The following LRP6 variants were observed in gnomAD, a reference collection of about 807,000 sequenced individuals.
LRP6 encodes the protein low-density lipoprotein receptor-related protein 6.
LRP6 carries 43 observed loss-of-function variants against 184.1 expected under a neutral mutation model. The observed-to-expected ratio is 0.23, with a 90% CI of 0.18 to 0.30. LRP6 has a LOEUF of 0.30. Ranked by LOEUF, LRP6 falls within the 10% of genes least tolerant of loss-of-function variation. The pLI is 1.00. For synonymous variants in LRP6, 719 were observed against 684.9 expected, an observed-to-expected ratio of 1.05 and a Z score of -0.78; for missense variants, 1,571 against 2,005.3, an observed-to-expected ratio of 0.78 and a Z score of 4.14.
At chr12:12,222,027 A>G (rs1864502363) in intron 2 of LRP6, among the ~76,000 whole-genome samples, 2 of 152,210 alleles carry the variant, frequency 1.3e-5, no homozygotes, top group Admixed American at 1.3e-4. Flanking sequence ...ATAGGGGAAC[A>G]AAGTAACAAC....
At chr12:12,234,377 A>C (rs938515886) in intron 2 of LRP6, among the ~76,000 whole-genome samples, 1 of 151,902 alleles carries the variant, frequency 6.6e-6, no homozygotes, top group Admixed American at 6.6e-5. Flanking sequence ...TTGGACCCGG[A>C]AGGCGGAGGT....
At chr12:12,159,235 G>GAA (rs71061015) in intron 11 of LRP6, 80 bp from the exon 12 acceptor site, 202 of 899,860 alleles carry the variant, frequency 2.2e-4, no homozygotes, top group Non-Finnish European at 2.8e-4. Flanking sequence ...CTGGCAAAAA[G>GAA]AAAAAAAAAA....
At chr12:12,204,818 T>C (rs1004031018) in intron 2 of LRP6, among the ~76,000 whole-genome samples, 1 of 143,060 alleles carries the variant, frequency 7.0e-6, no homozygotes, top group African/African-American at 2.6e-5. Flanking sequence ...AAAAAAAAAG[T>C]TAGCCAGGAG....
Position 12,162,378 on chromosome 12 carries a change from A to G in LRP6, c.2094T>C (p.His698=), listed in dbSNP as rs1222017029. Residue 698 remains histidine (H), a synonymous_variant, in exon 10 of 23, where the codon CAT becomes CAC. Transcript: ENST00000261349. ...RAFMNGSALE[H]VVEFGLDYPE... The stretch of plus-strand genomic sequence containing the variant: ...GATAATCTAAGCCGAATTCTACCAC[A>G]TGTTCCAGTGCACTGCCATTCATAA... The G allele has an allele frequency of 1.9e-6, 3 of 1,614,158 alleles. No homozygotes were observed. Among genetic ancestry groups the G allele is most frequent in the East Asian group, 2.2e-5 (1 of 44,882 alleles).
intron 5 of LRP6, among the ~76,000 whole-genome samples, chr12:12,183,764 AAT>A (rs1401881255): frequency 1.3e-5 from 2 of 152,216 alleles, no homozygotes; most frequent in East Asian, 1.9e-4. Flanking sequence ...TTTTTTCAAA[AAT>A]ATGTTATTTA....
At chr12:12,264,898 C>T (rs1591999954) in intron 1 of LRP6, among the ~76,000 whole-genome samples, 5 of 152,280 alleles carry the variant, frequency 3.3e-5, no homozygotes, top group Admixed American at 3.3e-4. Context: ...TAAACTATTA[C>T]CTCTTCCAGG....
chr12:12,260,176 A>G (rs1180975484), intron 1 of LRP6, among the ~76,000 whole-genome samples: 1 of 152,134 alleles, frequency 6.6e-6, no homozygotes, highest in East Asian at 1.9e-4. Flanking sequence ...CAGGAGATGG[A>G]GACCAACCTG....
At chr12:12,145,954 G>C (rs1036974493) in intron 15 of LRP6, among the ~76,000 whole-genome samples, 13 of 151,812 alleles carry the variant, frequency 8.6e-5, no homozygotes, top group Middle Eastern at 3.4e-3. Context: ...TTTCTTAACG[G>C]TATATATACA....
In LRP6 at chr12:12,140,792, T is replaced by C. The variant is rs956466306; in HGVS notation, c.3398-2258A>G. On this transcript the variant is annotated intron_variant, in intron 15 of 22. Transcript: ENST00000261349. ...CTAATTTTTGTATTTTTAGTAGATA[T>C]GGGGTTTCACCATGGTGGCCAGGCT... Among the ~76,000 whole-genome samples the C allele has an allele frequency of 3.9e-5, 6 of 152,072 alleles. No homozygotes were observed. The East Asian group carries it at 9.7e-4, about 25-fold the overall frequency.
chr12:12,153,630 T>C (rs913390221), intron 12 of LRP6, among the ~76,000 whole-genome samples: 1 of 152,224 alleles, frequency 6.6e-6, no homozygotes, highest in Non-Finnish European at 1.5e-5. Flanking sequence ...TGACCTATTT[T>C]CAAGTCAGTG....
chr12:12,244,545 C>T lies in LRP6; in HGVS notation c.166G>A (p.Val56Met). 4 of 1,614,234 alleles carry T rather than the reference C, an allele frequency of 2.5e-6. No individual in the cohort carries two copies. Among genetic ancestry groups the T allele is most frequent in the Non-Finnish European group, 3.4e-6 (4 of 1,180,044 alleles). The change falls in exon 2 of 23, where the codon GTG (valine) becomes ATG (methionine). Residue 56 changes from valine (V) to methionine (M), a missense_variant. Val to Met is a conservative substitution (Grantham distance 21). Transcript: ENST00000261349. ...AAGCCATGACTAAACACAAAGTCCA[C>T]CGCAGCTGCATCCTCCAAGCCTCCA... ...VVGGLEDAAA[V>M]DFVFSHGLIY...
intron 15 of LRP6, among the ~76,000 whole-genome samples, chr12:12,142,820 T>A (rs1233892891): frequency 6.6e-6 from 1 of 152,142 alleles, no homozygotes; most frequent in Non-Finnish European, 1.5e-5. Context: ...ATTCCTTAAT[T>A]TGACAAAGGT....
chr12:12,200,923 GC>G (rs1863897382), intron 3 of LRP6, among the ~76,000 whole-genome samples: 1 of 152,038 alleles, frequency 6.6e-6, no homozygotes, highest in Non-Finnish European at 1.5e-5. Flanking sequence ...TTTCTGGGGT[GC>G]TTTTATTTAT....
At chr12:12,263,190 G>A (rs1865664408) in intron 1 of LRP6, among the ~76,000 whole-genome samples, 1 of 151,580 alleles carries the variant, frequency 6.6e-6, no homozygotes, top group South Asian at 2.1e-4. Flanking sequence ...GCTTGAACCC[G>A]GGAGGCGGAG....
At chr12:12,212,038 C>A (rs1408572622) in intron 2 of LRP6, among the ~76,000 whole-genome samples, 3 of 152,206 alleles carry the variant, frequency 2.0e-5, no homozygotes, top group Non-Finnish European at 2.9e-5. Context: ...TGTGCTCCTG[C>A]ACGTTATTCT....
rs1444788582 is a variant in LRP6 at position 12,117,562 on chromosome 12, T to A, written c.*3564A>T. 6.6e-6 allele frequency: 1 copy of A among 152,224 alleles called. No individual in the cohort carries two copies. The highest frequency in any genetic ancestry group is 1.5e-5 in the Non-Finnish European group (1 of 68,026). The allele number at this position is 152,224 out of a possible 1,614,324, so 9.4% of individuals were successfully genotyped here. On this transcript the variant is annotated 3_prime_UTR_variant, in exon 23 of 23. Transcript: ENST00000261349. Reference sequence around the variant, plus strand: ...AATAAAACAATTCAAAATATGACATTTCTAAGAATCTAATCTAGGCAGCTG... The same window carrying A: ...AATAAAACAATTCAAAATATGACATATCTAAGAATCTAATCTAGGCAGCTG...
intron 3 of LRP6, among the ~76,000 whole-genome samples, chr12:12,200,758 T>C (rs1192930935): frequency 2.0e-5 from 3 of 152,214 alleles, no homozygotes; most frequent in African/African-American, 4.8e-5. Context: ...ACATTTTGCT[T>C]CATAAAGAAG....
chr12:12,236,591 G>T (rs541045245), intron 2 of LRP6, among the ~76,000 whole-genome samples: 1 of 152,058 alleles, frequency 6.6e-6, no homozygotes, highest in African/African-American at 2.4e-5. Context: ...TCCCAGTAAC[G>T]GGCTCGGTCC....
chr12:12,165,063 C>A lies in LRP6; in HGVS notation c.1762+16G>T. On this transcript the variant is annotated intron_variant, in intron 8 of 22. Transcript: ENST00000261349. ...TTCCTGGTTCCCATTTCTAAGAAAGCTTTGGAGTTACTCACCAATCACTCG... is the reference window on the plus strand; with the variant it reads ...TTCCTGGTTCCCATTTCTAAGAAAGATTTGGAGTTACTCACCAATCACTCG... 1 of 1,586,818 alleles carries A rather than the reference C, an allele frequency of 6.3e-7. No homozygotes were observed. The highest frequency in any genetic ancestry group is 1.7e-4 in the Middle Eastern group (1 of 6,002).
Sources: allele counts gnomAD v4.1 joint callset (sites outside exome capture counted in the v4.1 genomes callset), GRCh38; gene constraint gnomAD v4.1.1; transcripts MANE v1.5; gene names NCBI Gene and HGNC (gene_info 2026-07-23, HGNC 2026-07-21).